MBOAT1: variants seen among roughly 807,000 people sequenced by gnomAD.
MBOAT1 encodes membrane bound glycerophospholipid O-acyltransferase 1.
Under a neutral mutation model 64.4 loss-of-function variants are expected in MBOAT1, and 67 were observed. That is an observed-to-expected ratio of 1.04 (90% CI 0.85 to 1.27). MBOAT1 has a LOEUF of 1.27. Among genes scored for constraint, MBOAT1 ranks in the 50% most tolerant of loss-of-function variants. The pLI is 0.00. For missense variants in MBOAT1, 563 were observed against 604.6 expected, an observed-to-expected ratio of 0.93 and a Z score of 0.72; for synonymous variants, 229 against 218.9, an observed-to-expected ratio of 1.05 and a Z score of -0.41.
chr6:20,171,096 T>TA (rs1284409878), intron 1 of MBOAT1, among the ~76,000 whole-genome samples: 1 of 152,032 alleles, frequency 6.6e-6, no homozygotes, highest in Non-Finnish European at 1.5e-5. Context: ...GGCAAGGATT[T>TA]AAAAAAAGAA....
At chr6:20,186,917 CA>C (rs1409271855) in intron 1 of MBOAT1, among the ~76,000 whole-genome samples, 1 of 152,210 alleles carries the variant, frequency 6.6e-6, no homozygotes, top group Non-Finnish European at 1.5e-5. Flanking sequence ...CAGCTTTAAG[CA>C]AAACCTACAG....
chr6:20,187,721 G>A (rs996368166), intron 1 of MBOAT1, among the ~76,000 whole-genome samples: 29 of 152,222 alleles, frequency 1.9e-4, no homozygotes, highest in African/African-American at 6.8e-4. Flanking sequence ...AAGGAGACTG[G>A]TGGTACACAC....
At position 20,175,304 on chromosome 6, in the gene MBOAT1, G is replaced by T. The variant is rs147553339; in HGVS notation, c.100-22535C>A. ...CTCACTCTGTTGCCCAGGTGGGAGT[G>T]CAGTGGCGAGATTATAGGTCACTGT... On this transcript the variant is annotated intron_variant, in intron 1 of 12. Coordinates refer to ENST00000324607, the MANE Select transcript of MBOAT1 (RefSeq NM_001080480.3). Among the ~76,000 whole-genome samples the T allele has an allele frequency of 6.9e-3, 1,043 of 152,246 alleles. 12 individuals are homozygous for T. The highest frequency in any genetic ancestry group is 0.024 in the African/African-American group (990 of 41,550).
intron 1 of MBOAT1, among the ~76,000 whole-genome samples, chr6:20,183,176 TG>T (rs988955597): frequency 2.6e-5 from 4 of 152,030 alleles, no homozygotes; most frequent in Non-Finnish European, 5.9e-5. Context: ...TCCTCCAGGC[TG>T]GAAAGTAACT....
Position 20,151,180 on chromosome 6 carries a change from C to A in MBOAT1, c.323+5G>T, listed in dbSNP as rs756008529. 1.3e-6 allele frequency: 2 copies of A among 1,596,652 alleles called. No homozygotes were observed. The highest frequency in any genetic ancestry group is 2.2e-5 in the South Asian group (2 of 90,112). The stretch of plus-strand genomic sequence containing the variant: ...ACCTTGCATTGTTCATTCCCAGTAT[C>A]TTACCTGTGAATATTGGATACACTA... On this transcript the variant is annotated splice_donor_5th_base_variant and intron_variant, in intron 3 of 12. Coordinates refer to ENST00000324607, the MANE Select transcript of MBOAT1 (RefSeq NM_001080480.3).
intron 1 of MBOAT1, among the ~76,000 whole-genome samples, chr6:20,205,824 G>A (rs754202630): frequency 3.9e-5 from 6 of 151,952 alleles, no homozygotes; most frequent in South Asian, 2.1e-4. Flanking sequence ...CCACATGAAC[G>A]TGCAGCTCCA....
chr6:20,152,172 A>C (rs1484949897), intron 2 of MBOAT1, among the ~76,000 whole-genome samples: 1 of 151,818 alleles, frequency 6.6e-6, no homozygotes, highest in African/African-American at 2.4e-5. Flanking sequence ...AAAAATACAA[A>C]AAAAATTACC....
At chr6:20,179,353 T>C (rs1041434904) in intron 1 of MBOAT1, among the ~76,000 whole-genome samples, 4 of 152,168 alleles carry the variant, frequency 2.6e-5, no homozygotes, top group Non-Finnish European at 4.4e-5. Context: ...CCCCCAACCA[T>C]GTGTCCATGT....
intron 1 of MBOAT1, among the ~76,000 whole-genome samples, chr6:20,209,486 A>G (rs1763358177): frequency 6.6e-6 from 1 of 152,212 alleles, no homozygotes; most frequent in Non-Finnish European, 1.5e-5. Flanking sequence ...CATACGAAGC[A>G]GAATGCTTAC....
At chr6:20,120,825 C>G (rs746305893) in intron 8 of MBOAT1, among the ~76,000 whole-genome samples, 1 of 152,172 alleles carries the variant, frequency 6.6e-6, no homozygotes, top group African/African-American at 2.4e-5. Flanking sequence ...GAGCCGATAT[C>G]GGAATCCCCA....
rs879092754 is a variant in MBOAT1 at position 20,102,170 on chromosome 6, C to G, written c.*116G>C. 3 of 405,208 alleles carry G rather than the reference C, an allele frequency of 7.4e-6. No individual in the cohort carries two copies. Among genetic ancestry groups the G allele is most frequent in the East Asian group, 1.1e-4 (2 of 18,456 alleles). 25.1% of individuals were successfully genotyped at this position (405,208 alleles called of 1,614,324 possible). ...ATACTCCCTGCACTTTAAAAAAGAA[C>G]AAAATAAAGATGCATGTAAACATCG... On this transcript the variant is annotated 3_prime_UTR_variant, in exon 13 of 13. Coordinates refer to ENST00000324607, the MANE Select transcript of MBOAT1 (RefSeq NM_001080480.3).
chr6:20,212,404 C>G lies in MBOAT1; in HGVS notation c.-170G>C. ...TGCGAACCGGCGCAAACTCTCGAGG[C>G]GCAAACTCTCGAGGCGCAAACTTGG... On this transcript the variant is annotated 5_prime_UTR_variant, in exon 1 of 13. Coordinates refer to ENST00000324607, the MANE Select transcript of MBOAT1 (RefSeq NM_001080480.3). 2 of 624,870 alleles carry G rather than the reference C, an allele frequency of 3.2e-6. No individual in the cohort carries two copies. Among genetic ancestry groups the G allele is most frequent in the East Asian group, 2.9e-5 (1 of 34,630 alleles). 38.7% of individuals were successfully genotyped at this position (624,870 alleles called of 1,614,324 possible). A position where few individuals can be genotyped will look rare whatever the true frequency, so the allele number is the denominator to read the frequency against.
intron 2 of MBOAT1, among the ~76,000 whole-genome samples, chr6:20,152,354 TA>T (rs1282022205): frequency 1.1e-4 from 6 of 52,644 alleles, no homozygotes; most frequent in African/African-American, 2.2e-4. Context: ...AATAAATAAA[TA>T]AATAAATAAA....
intron 12 of MBOAT1, among the ~76,000 whole-genome samples, chr6:20,102,880 AGCCATC>A (rs2113619858): frequency 6.6e-6 from 1 of 152,340 alleles, no homozygotes; most frequent in Admixed American, 6.5e-5. Context: ...GTGACGTCGT[AGCCATC>A]GTAATGTCAT....
At position 20,126,814 on chromosome 6, in the gene MBOAT1, T is replaced by G. The variant is rs552297500; in HGVS notation, c.531-114A>C. ...TGTAGATTCGATACATGACATGACCTTTCCTTGTTTTGTTTCTACAAAGTC... is the reference window on the plus strand; with the variant it reads ...TGTAGATTCGATACATGACATGACCGTTCCTTGTTTTGTTTCTACAAAGTC... On this transcript the variant is annotated intron_variant, in intron 6 of 12. Coordinates refer to ENST00000324607, the MANE Select transcript of MBOAT1 (RefSeq NM_001080480.3). 7.7e-6 allele frequency: 6 copies of G among 776,834 alleles called. No individual in the cohort carries two copies. The East Asian group carries it at 1.7e-4, about 22-fold the overall frequency. 48.1% of individuals were successfully genotyped at this position (776,834 alleles called of 1,614,324 possible).
chr6:20,108,088 G>A (rs1384204179), intron 12 of MBOAT1, among the ~76,000 whole-genome samples: 2 of 152,206 alleles, frequency 1.3e-5, no homozygotes, highest in African/African-American at 4.8e-5. Flanking sequence ...TGAGGAGGGA[G>A]CCCCAGTGAA....
At chr6:20,154,084 A>G (rs1215472608) in intron 1 of MBOAT1, among the ~76,000 whole-genome samples, 1 of 152,256 alleles carries the variant, frequency 6.6e-6, no homozygotes, top group South Asian at 2.1e-4. Context: ...ACTGCTGCTG[A>G]TAACAAAACT....
At chr6:20,162,970 C>T (rs1761906089) in intron 1 of MBOAT1, among the ~76,000 whole-genome samples, 1 of 152,134 alleles carries the variant, frequency 6.6e-6, no homozygotes, top group South Asian at 2.1e-4. Context: ...TCCTTATACA[C>T]TTAGAGATTA....
chr6:20,200,061 G>A (rs79802123), intron 1 of MBOAT1, among the ~76,000 whole-genome samples: 1 of 152,172 alleles, frequency 6.6e-6, no homozygotes, highest in African/African-American at 2.4e-5. Flanking sequence ...ATGCAGAAAG[G>A]AGGCTATAAA....
Sources: gnomAD v4.1 joint callset for allele counts (sites outside exome capture counted in the v4.1 genomes callset) on GRCh38, gnomAD v4.1.1 for gene constraint, MANE v1.5 for transcripts, NCBI Gene and HGNC (gene_info 2026-07-23, HGNC 2026-07-21) for gene names.